The following PPP6R2 variants were observed in gnomAD, a reference collection of about 807,000 sequenced individuals.
PPP6R2 encodes protein phosphatase 6 regulatory subunit 2.
A neutral mutation model predicts 100.2 loss-of-function variants in PPP6R2; 62 were observed. That is an observed-to-expected ratio of 0.62 (90% CI 0.50 to 0.76). The LOEUF (loss-of-function observed/expected upper bound fraction) is 0.76. Ranked by LOEUF, PPP6R2 falls within the 30% of genes least tolerant of loss-of-function variation. The pLI is 0.00. For synonymous variants in PPP6R2, 525 were observed against 514.7 expected, an observed-to-expected ratio of 1.02 and a Z score of -0.27; for missense variants, 1,142 against 1,276.3, an observed-to-expected ratio of 0.89 and a Z score of 1.60.
At chr22:50,416,494 G>A (rs1013969986) in intron 6 of PPP6R2, among the ~76,000 whole-genome samples, 2 of 151,210 alleles carry the variant, frequency 1.3e-5, no homozygotes, top group Non-Finnish European at 2.9e-5. Context: ...TTTTCTTCTT[G>A]TTGTTGTTGT....
At chr22:50,442,406 T>TG (rs1442541526) in intron 22 of PPP6R2, among the ~76,000 whole-genome samples, 1 of 152,104 alleles carries the variant, frequency 6.6e-6, no homozygotes, top group Non-Finnish European at 1.5e-5. Flanking sequence ...CTGCAGCAAG[T>TG]GGGGGGCACA....
At chr22:50,335,678 A>ATTTTTTTTTTTTT in the PPP6R2 span, among the ~76,000 whole-genome samples, 19 of 128,976 alleles carry the variant, frequency 1.5e-4, 1 homozygote, top group African/African-American at 5.0e-4. Context: ...CACCCAACTA[A>ATTTTTTTTTTTTT]TTTTTTTTTT....
At chr22:50,332,231 ATT>A in the PPP6R2 span, among the ~76,000 whole-genome samples, 2 of 145,106 alleles carry the variant, frequency 1.4e-5, no homozygotes, top group Non-Finnish European at 3.0e-5. Flanking sequence ...CTTCTAGAAG[ATT>A]TTTTTTTTTT....
At chr22:50,379,353 C>T (rs538771604) in intron 2 of PPP6R2, among the ~76,000 whole-genome samples, 9 of 151,662 alleles carry the variant, frequency 5.9e-5, no homozygotes, top group East Asian at 1.9e-4. Context: ...AAAAATTAGC[C>T]GGGAGCGGTG....
rs1425425363 is a variant in PPP6R2 at position 50,406,792 on chromosome 22, G to A, written c.331G>A (p.Asp111Asn). The change falls in exon 4 of 24, where the codon GAC becomes AAC. Residue 111 changes from aspartate to asparagine, a missense_variant. Transcript: ENST00000612753. The stretch of plus-strand genomic sequence containing the variant: ...GCTGAGCCTCCTGTACGACTTCTTG[G>A]ACCATGAGCCGCCTCTCAATCCTCT... The part of the protein sequence containing the change: ...SLLSLLYDFL[D>N]HEPPLNPLLA... 6.2e-7 allele frequency: 1 copy of A among 1,613,984 alleles called. No individual in the cohort carries two copies. Among genetic ancestry groups the A allele is most frequent in the Non-Finnish European group, 8.5e-7 (1 of 1,180,002 alleles).
chr22:50,352,587 T>C (rs1012589955), intron 1 of PPP6R2, among the ~76,000 whole-genome samples: 1 of 151,888 alleles, frequency 6.6e-6, no homozygotes, highest in African/African-American at 2.4e-5. Context: ...TTGCTGGGTA[T>C]GGTGGTGCGT....
upstream of PPP6R2, among the ~76,000 whole-genome samples, chr22:50,341,182 G>C (rs2042365245): frequency 6.6e-6 from 1 of 152,138 alleles, no homozygotes; most frequent in African/African-American, 2.4e-5. Flanking sequence ...AAAGTGCTGG[G>C]ATTACAGGTG....
intron 3 of PPP6R2, among the ~76,000 whole-genome samples, chr22:50,401,862 C>A (rs2058098822): frequency 6.6e-6 from 1 of 152,056 alleles, no homozygotes; most frequent in Admixed American, 6.6e-5. Context: ...TCTTGATCTC[C>A]TGACCTAGTG....
chr22:50,417,026 C>T (rs2060639824), intron 6 of PPP6R2, among the ~76,000 whole-genome samples: 1 of 151,952 alleles, frequency 6.6e-6, no homozygotes, highest in African/African-American at 2.4e-5. Flanking sequence ...GCAAATTACC[C>T]TGAAATGTAG....
intron 3 of PPP6R2, among the ~76,000 whole-genome samples, chr22:50,405,137 G>A (rs552688659): frequency 6.6e-6 from 1 of 152,342 alleles, no homozygotes; most frequent in South Asian, 2.1e-4. Flanking sequence ...GTCTGTGTTT[G>A]TTGATGGAAG....
chr22:50,359,056 G>T lies in PPP6R2; in HGVS notation c.-147-12964G>T, dbSNP rs1003846885. ...CACCCTATTGCCAGGCTGGAGTTCA[G>T]TGGCGCGATCTCCACTCACTGCAAC... On this transcript the variant is annotated intron_variant, in intron 1 of 23. Coordinates refer to ENST00000612753, the MANE Select transcript of PPP6R2 (RefSeq NM_001242898.2). 2.9e-5 allele frequency among the ~76,000 whole-genome samples: 4 copies of T among 137,002 alleles called. No homozygotes were observed. In the East Asian group the frequency reaches 6.5e-4, roughly 22 times the overall value. The allele number at this position is 137,002 out of a possible 152,430, so 89.9% of individuals were successfully genotyped here.
At chr22:50,366,341 C>A (rs553856807) in intron 1 of PPP6R2, among the ~76,000 whole-genome samples, 1 of 145,494 alleles carries the variant, frequency 6.9e-6, no homozygotes, top group African/African-American at 2.6e-5. Flanking sequence ...AATGGAGTCT[C>A]GCTCTGTCAC....
chr22:50,443,967 CCAT>C lies in PPP6R2; in HGVS notation c.2684_2686del (p.Ile895del). 2 of 1,612,094 alleles carry C rather than the reference CCAT, an allele frequency of 1.2e-6. No homozygotes were observed. Among genetic ancestry groups the C allele is most frequent in the African/African-American group, 1.3e-5 (1 of 75,038 alleles). On this transcript the variant is annotated inframe_deletion, in exon 23 of 24. Transcript: ENST00000612753. ...GCTGTGCCCCCCGAGGCTACTGTGG[CCAT>C]CACCACAGCACTGAGCAAGGCTGGC... is the stretch of plus-strand genomic sequence containing the variant.
At chr22:50,438,027 C>T in intron 17 of PPP6R2, 127 bp downstream of exon 17, 1 of 1,489,688 alleles carries the variant, frequency 6.7e-7, no homozygotes, top group Non-Finnish European at 9.2e-7. Context: ...GAGCTCGGAA[C>T]AGTCGCTTTC....
rs2049216301 is a variant in PPP6R2, at chr22:50,368,360, T to C, written c.-147-3660T>C. Among the ~76,000 whole-genome samples the C allele has an allele frequency of 3.9e-5, 6 of 152,156 alleles. No homozygotes were observed. The South Asian group carries it at 1.2e-3, about 32-fold the overall frequency. The stretch of plus-strand genomic sequence containing the variant: ...CCTTCTCAGGCACTGGCGCTACCAC[T>C]AGACCAAGGAGTCCTTTAGTGGCCC... On this transcript the variant is annotated intron_variant, in intron 1 of 23. Coordinates refer to ENST00000612753, the MANE Select transcript of PPP6R2 (RefSeq NM_001242898.2).
In PPP6R2 at chr22:50,393,884, C is replaced by T. The variant is rs781462792; in HGVS notation, c.-16-9C>T. The T allele has an allele frequency of 2.9e-5, 46 of 1,613,820 alleles. 2 individuals carry two copies. The highest frequency in any genetic ancestry group is 1.9e-4 in the South Asian group (17 of 91,066). On this transcript the variant is annotated splice_polypyrimidine_tract_variant and intron_variant, in intron 2 of 23. Coordinates refer to ENST00000612753, the MANE Select transcript of PPP6R2 (RefSeq NM_001242898.2). ...GTGAGAGACGTGACCCCTTTGCCCT[C>T]GTTTGCAGCTCTGCGGCCGTCACGA...
chr22:50,396,419 T>C (rs957712357), intron 3 of PPP6R2, among the ~76,000 whole-genome samples: 3 of 146,754 alleles, frequency 2.0e-5, no homozygotes, highest in Admixed American at 7.0e-5. Context: ...TGCTTGAACC[T>C]GGGAGGTAGA....
Position 50,423,742 on chromosome 22 carries a change from C to T in PPP6R2, c.1125+128C>T. 8.4e-7 allele frequency: 1 copy of T among 1,183,908 alleles called. No homozygotes were observed. Among genetic ancestry groups the T allele is most frequent in the Non-Finnish European group, 1.2e-6 (1 of 840,536 alleles). The allele number at this position is 1,183,908 out of a possible 1,614,324, so 73.3% of individuals were successfully genotyped here. A position where few individuals can be genotyped will look rare whatever the true frequency, so the allele number is the denominator to read the frequency against. On this transcript the variant is annotated intron_variant, in intron 10 of 23. Transcript: ENST00000612753. The surrounding 1 kb of genome is among the most constrained non-coding windows in gnomAD (Gnocchi z 4.8). ...GCTCTGCCACGGGGAGGTTCCAGTC[C>T]CAAGTCCCAAGGCTGGACTACAGGT...
At chr22:50,443,764 C>T in intron 22 of PPP6R2, 102 bp from the exon 23 acceptor site, 1 of 1,449,644 alleles carries the variant, frequency 6.9e-7, no homozygotes, top group Non-Finnish European at 9.2e-7. Context: ...GATGGTGCTC[C>T]CAGGCCGCCT....
Sources: allele counts gnomAD v4.1 joint callset (sites outside exome capture counted in the v4.1 genomes callset), GRCh38; gene constraint gnomAD v4.1.1; non-coding constraint Gnocchi (gnomAD v3.1); transcripts MANE v1.5; gene names NCBI Gene and HGNC (gene_info 2026-07-23, HGNC 2026-07-21).